Variants in DYSF observed in about 807,000 individuals in gnomAD.
The protein encoded by DYSF is dysferlin.
A neutral mutation model predicts 274.9 loss-of-function variants in DYSF; 212 were observed. That is an observed-to-expected ratio of 0.77 (90% CI 0.69 to 0.86). The LOEUF is 0.86. Among genes scored for constraint, DYSF ranks in the 40% least tolerant of loss-of-function variants. The pLI is 0.00. For synonymous variants in DYSF, 1,091 were observed against 1,078.7 expected (o/e 1.01, Z -0.22); for missense variants, 2,666 against 2,783.2 (o/e 0.96, Z 0.95).
At chr2:71,483,743 G>C (rs1469505532) in intron 3 of DYSF, among the ~76,000 whole-genome samples, 1 of 152,166 alleles carries the variant, frequency 6.6e-6, no homozygotes, top group African/African-American at 2.4e-5. Context: ...GGGAAACTGA[G>C]GCTCTGAGAG....
At chr2:71,506,292 G>C (rs2152721201) in intron 4 of DYSF, among the ~76,000 whole-genome samples, 1 of 152,332 alleles carries the variant, frequency 6.6e-6, no homozygotes, top group Non-Finnish European at 1.5e-5. Context: ...GTCTGAGGAG[G>C]TCATTCGCCT....
At chr2:71,563,581 G>T (rs2091910733) in intron 23 of DYSF, among the ~76,000 whole-genome samples, 1 of 152,186 alleles carries the variant, frequency 6.6e-6, no homozygotes, top group Non-Finnish European at 1.5e-5. Flanking sequence ...TACGGGAGGA[G>T]GGTGTGTGTC....
intron 39 of DYSF, 92 bp from the exon 40 acceptor site, chr2:71,613,242 T>C: frequency 8.8e-7 from 1 of 1,139,676 alleles, no homozygotes; most frequent in Non-Finnish European, 1.3e-6. Context: ...TGCAGGGTCT[T>C]GTCTTGGTCC....
In DYSF at chr2:71,665,263, G is replaced by T; in HGVS notation, c.5276G>T (p.Arg1759Leu). Residue 1759 changes from arginine to leucine, a missense_variant, in exon 47 of 56, where the codon CGT becomes CTT. Transcript: ENST00000410020. ...AAGGCACCTGTGTACCGGACAGACCGTGTAATGTTTCAGGATAAAGAATAT... is the reference window on the plus strand; with the variant it reads ...AAGGCACCTGTGTACCGGACAGACCTTGTAATGTTTCAGGATAAAGAATAT... ...RVKAPVYRTD[R>L]VMFQDKEYSI... 1.2e-6 allele frequency: 2 copies of T among 1,614,172 alleles called. No homozygotes were observed. Among genetic ancestry groups the T allele is most frequent in the Non-Finnish European group, 1.7e-6 (2 of 1,180,026 alleles).
Position 71,566,446 on chromosome 2 carries a change from C to G in DYSF, c.2566-1505C>G, listed in dbSNP as rs554583769. Among the ~76,000 whole-genome samples, 355 of 151,332 alleles carry G rather than the reference C, an allele frequency of 2.3e-3. 1 individual carries two copies. The highest frequency in any genetic ancestry group is 3.2e-3 in the Non-Finnish European group (218 of 67,908). ...GCCCCGCCAGTAGCTCCTGAGCAAG[C>G]TCTACAAAAATGTTGGCAGCAAGCA... On this transcript the variant is annotated intron_variant, in intron 24 of 55. Coordinates refer to ENST00000410020, the MANE Select transcript of DYSF (RefSeq NM_001130987.2).
intron 19 of DYSF, among the ~76,000 whole-genome samples, chr2:71,552,081 T>C (rs766036633): frequency 3.3e-5 from 5 of 152,248 alleles, no homozygotes; most frequent in Non-Finnish European, 7.3e-5. Context: ...CTGCCATTAC[T>C]GACTCCTCCC....
intron 41 of DYSF, among the ~76,000 whole-genome samples, chr2:71,637,312 G>C (rs907366405): frequency 2.0e-5 from 3 of 152,210 alleles, no homozygotes; most frequent in South Asian, 2.1e-4. Context: ...TGAGGGCAGA[G>C]GTTGGCCTTG....
chr2:71,572,866 G>T (rs1237615026), intron 29 of DYSF, among the ~76,000 whole-genome samples: 1 of 152,206 alleles, frequency 6.6e-6, no homozygotes, highest in Non-Finnish European at 1.5e-5. Flanking sequence ...TGAGGGGGCT[G>T]GGGTGGGCCC....
chr2:71,472,470 G>A (rs2082100396), intron 1 of DYSF, among the ~76,000 whole-genome samples: 1 of 152,002 alleles, frequency 6.6e-6, no homozygotes, highest in Admixed American at 6.6e-5. Flanking sequence ...GGAGTGGCGC[G>A]ATCTCGGCTC....
upstream of DYSF, among the ~76,000 whole-genome samples, chr2:71,462,119 C>T (rs554829384): frequency 6.6e-5 from 10 of 152,356 alleles, no homozygotes; most frequent in East Asian, 1.9e-3. Flanking sequence ...GCCTGGCAGG[C>T]TGTGCTCAGC....
At chr2:71,666,101 C>T (rs1558774733) in intron 47 of DYSF, among the ~76,000 whole-genome samples, 2 of 145,818 alleles carry the variant, frequency 1.4e-5, no homozygotes, top group African/African-American at 2.5e-5. Context: ...GAGCCAGGCT[C>T]GGCCATAAGG....
intron 41 of DYSF, among the ~76,000 whole-genome samples, chr2:71,635,748 CAAA>C (rs753590151): frequency 1.4e-5 from 1 of 69,700 alleles, no homozygotes; most frequent in Non-Finnish European, 2.6e-5. Context: ...GACTCTGTCT[CAAA>C]AAAAAAAAAA....
intron 14 of DYSF, among the ~76,000 whole-genome samples, chr2:71,529,456 T>C (rs2088387168): frequency 1.3e-5 from 2 of 152,252 alleles, no homozygotes; most frequent in Non-Finnish European, 2.9e-5. Context: ...TCCTGTAAAC[T>C]GGAAGTTAGG....
intron 41 of DYSF, among the ~76,000 whole-genome samples, chr2:71,634,372 A>G (rs2094361570): frequency 6.6e-6 from 1 of 152,214 alleles, no homozygotes. Context: ...ATGGGATTCC[A>G]TTAACATCAG....
At chr2:71,490,990 A>G (rs2083806302) in intron 3 of DYSF, among the ~76,000 whole-genome samples, 1 of 152,204 alleles carries the variant, frequency 6.6e-6, no homozygotes. Flanking sequence ...TTACTAGATC[A>G]AAGGGTATAA....
intron 43 of DYSF, among the ~76,000 whole-genome samples, chr2:71,656,793 C>T (rs1488767226): frequency 3.3e-5 from 5 of 152,042 alleles, no homozygotes; most frequent in East Asian, 3.9e-4. Flanking sequence ...GAGAATAGCA[C>T]GAGAAAGACT....
At chr2:71,520,306 T>G in intron 11 of DYSF, 98 bp downstream of exon 11, 1 of 1,291,982 alleles carries the variant, frequency 7.7e-7, no homozygotes, top group Non-Finnish European at 1.1e-6. Flanking sequence ...CTGGGGGTTT[T>G]AGAATCTAGA....
chr2:71,612,699 G>T lies in DYSF; in HGVS notation c.4280G>T (p.Arg1427Leu), dbSNP rs758688467. The T allele has an allele frequency of 2.5e-6, 4 of 1,614,160 alleles. No homozygotes were observed. Among genetic ancestry groups the T allele is most frequent in the South Asian group, 1.1e-5 (1 of 91,082 alleles). Residue 1427 changes from arginine (R) to leucine (L), a missense_variant, in exon 39 of 56, where the codon CGC becomes CTC. Arg to Leu is a moderately radical substitution (Grantham distance 102). Around this residue, in one of 3 missense-constraint regions of DYSF, gnomAD observed 1,460 missense variants for 1,502.1 expected, o/e 0.97. Coordinates refer to ENST00000410020, the MANE Select transcript of DYSF (RefSeq NM_001130987.2). Reference sequence around the variant, plus strand: ...ATCACCGTCAAGGTCATCGATAACCGCCAGTTTGGCCGCCGGCCTGTGGTG... The same window carrying T: ...ATCACCGTCAAGGTCATCGATAACCTCCAGTTTGGCCGCCGGCCTGTGGTG... The part of the protein sequence containing the change: ...PPITVKVIDN[R>L]QFGRRPVVGQ...
Position 71,570,640 on chromosome 2 carries a change from A to G in DYSF, c.3127A>G (p.Lys1043Glu). 6.2e-7 allele frequency: 1 copy of G among 1,614,072 alleles called. No homozygotes were observed. The highest frequency in any genetic ancestry group is 8.5e-7 in the Non-Finnish European group (1 of 1,179,974). The change falls in exon 29 of 56, where the codon AAG (lysine) becomes GAG (glutamate). Residue 1043 changes from lysine to glutamate, a missense_variant. Transcript: ENST00000410020. ...SITIPPERKPKHWVPAEKMYY... is the reference protein window; with the variant it reads ...SITIPPERKPEHWVPAEKMYY... ...CACCATCCCCCCGGAGCGGAAGCCG[A>G]AGCACTGGGTCCCTGCTGAGAAGAT...
Sources: gnomAD v4.1 joint callset for allele counts (sites outside exome capture counted in the v4.1 genomes callset) on GRCh38, gnomAD v4.1.1 for gene constraint, gnomAD v4.1.1 regional missense constraint, MANE v1.5 for transcripts, NCBI Gene and HGNC (gene_info 2026-07-23, HGNC 2026-07-21) for gene names.